IFIH1: variants seen among roughly 807,000 people sequenced by gnomAD.
IFIH1 encodes the protein interferon-induced helicase C domain-containing protein 1.
Under a neutral mutation model 107.4 loss-of-function variants are expected in IFIH1, and 125 were observed. That is an observed-to-expected ratio of 1.16 (90% CI 1.01 to 1.35). The LOEUF is 1.35. Ranked by LOEUF, IFIH1 falls within the 40% of genes most tolerant of loss-of-function variation. IFIH1 has a pLI of 0.00. For synonymous variants in IFIH1, 458 were observed against 413.2 expected (o/e 1.11, Z -1.31); for missense variants, 1,333 against 1,213.7 (o/e 1.10, Z -1.46).
intron 13 of IFIH1, among the ~76,000 whole-genome samples, chr2:162,269,665 A>G (rs1690995781): frequency 6.6e-6 from 1 of 152,222 alleles, no homozygotes; most frequent in Non-Finnish European, 1.5e-5. Context: ...ATATTAAATT[A>G]TGGAAGAATT....
intron 9 of IFIH1, 150 bp downstream of exon 9, chr2:162,278,055 C>G: frequency 3.1e-6 from 2 of 653,700 alleles, no homozygotes; most frequent in Middle Eastern, 4.2e-4. Context: ...GGAATTAGAA[C>G]ATGTTTATTA....
At chr2:162,302,015 G>A (rs12473955) in intron 3 of IFIH1, among the ~76,000 whole-genome samples, 5,240 of 152,226 alleles carry the variant, frequency 0.034, 442 homozygotes, top group Admixed American at 0.21. Flanking sequence ...GTAAACATAG[G>A]TGGGAGGAGG....
intron 3 of IFIH1, among the ~76,000 whole-genome samples, chr2:162,303,992 C>T (rs920656814): frequency 6.6e-6 from 1 of 152,088 alleles, no homozygotes; most frequent in Non-Finnish European, 1.5e-5. Context: ...TTTATTAAAA[C>T]ATGAAAACTC....
chr2:162,318,037 C>T lies in IFIH1; in HGVS notation c.271G>A (p.Ala91Thr), dbSNP rs1683542051. Residue 91 changes from alanine (A) to threonine (T), a missense_variant, in exon 1 of 16, where the codon GCC becomes ACC. Ala to Thr is a moderately conservative substitution (Grantham distance 58). Coordinates refer to ENST00000649979, the MANE Select transcript of IFIH1 (RefSeq NM_022168.4). Reference protein sequence around the residue: ...EALRRTGSPLAARYMNPELTD... With the variant: ...EALRRTGSPLTARYMNPELTD... Reference sequence around the variant, plus strand: ...AGCTCAGGGTTCATGTAGCGGGCGGCCAGAGGGCTGCCGGTTCTCCGGAGG... The same window carrying T: ...AGCTCAGGGTTCATGTAGCGGGCGGTCAGAGGGCTGCCGGTTCTCCGGAGG... 2 of 1,614,152 alleles carry T rather than the reference C, an allele frequency of 1.2e-6. No individual in the cohort carries two copies. The highest frequency in any genetic ancestry group is 2.2e-5 in the East Asian group (1 of 44,852).
intron 5 of IFIH1, among the ~76,000 whole-genome samples, chr2:162,287,110 T>C (rs1682908623): frequency 6.6e-6 from 1 of 151,880 alleles, no homozygotes; most frequent in Non-Finnish European, 1.5e-5. Context: ...GTTTTAATAG[T>C]AAGTATACAA....
chr2:162,301,120 A>T (rs1380242731), intron 3 of IFIH1, among the ~76,000 whole-genome samples: 1 of 152,212 alleles, frequency 6.6e-6, no homozygotes, highest in Non-Finnish European at 1.5e-5. Flanking sequence ...ATGTCACCGG[A>T]TAAACCTAAG....
At chr2:162,296,939 A>C (rs1377833643) in intron 3 of IFIH1, among the ~76,000 whole-genome samples, 1 of 152,158 alleles carries the variant, frequency 6.6e-6, no homozygotes, top group Non-Finnish European at 1.5e-5. Context: ...TTGTCATTTT[A>C]AGGGTATATA....
rs376770437 is a variant in IFIH1 at position 162,270,292 on chromosome 2, G to A, written c.2616+1934C>T. 8.5e-5 allele frequency among the ~76,000 whole-genome samples: 13 copies of A among 152,290 alleles called. 1 individual carries two copies. Among genetic ancestry groups the A allele is most frequent in the African/African-American group, 2.9e-4 (12 of 41,568 alleles). ...ATGATCAACTTGCTCCTAGAAGTCT[G>A]ATTTAATTTTAAGAAGCTCTGTTAT... On this transcript the variant is annotated intron_variant, in intron 13 of 15. Transcript: ENST00000649979.
chr2:162,293,699 A>C, intron 3 of IFIH1, 31 bp from the exon 4 acceptor site: 1 of 1,443,300 alleles, frequency 6.9e-7, no homozygotes, highest in African/African-American at 1.4e-5. Flanking sequence ...AAATATTTTT[A>C]AAATATTTCT....
intron 10 of IFIH1, among the ~76,000 whole-genome samples, 165 bp from the exon 11 acceptor site, chr2:162,277,111 G>T (rs993391182): frequency 6.6e-6 from 1 of 152,072 alleles, no homozygotes; most frequent in East Asian, 1.9e-4. Flanking sequence ...AACATACAAC[G>T]AATTACACTA....
intron 9 of IFIH1, 149 bp from the exon 10 acceptor site, chr2:162,277,842 C>T (rs2105198019): frequency 1.0e-6 from 1 of 987,268 alleles, no homozygotes; most frequent in Non-Finnish European, 1.4e-6. Context: ...GTGTCCTGAG[C>T]TCTGAAACAG....
rs745845956 is a variant in IFIH1, at chr2:162,293,614, C to T, written c.824G>A (p.Gly275Glu). 1.9e-6 allele frequency: 3 copies of T among 1,611,990 alleles called. No homozygotes were observed. Among genetic ancestry groups the T allele is most frequent in the Non-Finnish European group, 2.5e-6 (3 of 1,178,648 alleles). ...GSVSCLDESLGHNSNMGSDSG... is the reference protein window; with the variant it reads ...GSVSCLDESLEHNSNMGSDSG... ...ATCACTGCCCATGTTGCTGTTATGT[C>T]CAAGACTTTCATCTAAGCAGCTGAC... The change falls in exon 4 of 16, where the codon GGA (glycine) becomes GAA (glutamate). Residue 275 changes from glycine to glutamate, a missense_variant. Transcript: ENST00000649979.
At chr2:162,278,723 C>T (rs983246152) in intron 8 of IFIH1, among the ~76,000 whole-genome samples, 9 of 151,996 alleles carry the variant, frequency 5.9e-5, no homozygotes, top group African/African-American at 1.2e-4. Context: ...AGTATTATTT[C>T]GACCAAAATA....
intron 5 of IFIH1, among the ~76,000 whole-genome samples, chr2:162,284,588 G>A (rs1367294486): frequency 6.6e-6 from 1 of 151,892 alleles, no homozygotes; most frequent in African/African-American, 2.4e-5. Context: ...CATTTCTGCT[G>A]TTTCTTGGCT....
chr2:162,276,934 A>G lies in IFIH1; in HGVS notation c.2057T>C (p.Met686Thr). 6.3e-7 allele frequency: 1 copy of G among 1,597,956 alleles called. No homozygotes were observed. The highest frequency in any genetic ancestry group is 8.5e-7 in the Non-Finnish European group (1 of 1,174,824). The change falls in exon 11 of 16, where the codon ATG (methionine) becomes ACG (threonine). Residue 686 changes from methionine to threonine, a missense_variant. Met to Thr is a moderately conservative substitution (Grantham distance 81). Coordinates refer to ENST00000649979, the MANE Select transcript of IFIH1 (RefSeq NM_022168.4). ...LMTLFFENNK[M>T]LKRLAENPEY... ...TGGGTTTTCAGCCAGCCTTTTCAAC[A>G]TTTTATTGTTTTCTTTAAGAAATAA... is the stretch of plus-strand genomic sequence containing the variant.
At chr2:162,300,764 T>C (rs1683178990) in intron 3 of IFIH1, among the ~76,000 whole-genome samples, 1 of 152,228 alleles carries the variant, frequency 6.6e-6, no homozygotes, top group South Asian at 2.1e-4. Flanking sequence ...ACAGTCTTAT[T>C]GTAAACTACT....
chr2:162,269,671 G>T (rs977934117), intron 13 of IFIH1, among the ~76,000 whole-genome samples: 8 of 152,128 alleles, frequency 5.3e-5, no homozygotes, highest in African/African-American at 1.2e-4. Context: ...AATTATGGAA[G>T]AATTAATTGT....
intron 11 of IFIH1, 65 bp downstream of exon 11, chr2:162,276,619 GAGA>G (rs1558865467): frequency 2.0e-6 from 3 of 1,504,250 alleles, no homozygotes; most frequent in East Asian, 2.3e-5. Context: ...AAAAGAAGAA[GAGA>G]AGAAGAGAAG....
At position 162,318,065 on chromosome 2, in the gene IFIH1, C is replaced by CT; in HGVS notation, c.242dup (p.Ala82GlyfsTer17). The CT allele has an allele frequency of 2.5e-6, 4 of 1,614,180 alleles. No homozygotes were observed. The highest frequency in any genetic ancestry group is 3.4e-6 in the Non-Finnish European group (4 of 1,180,040). On this transcript the variant is annotated frameshift_variant, in exon 1 of 16. Transcript: ENST00000649979. LOFTEE classifies it high-confidence loss of function. ...GAGGGCTGCCGGTTCTCCGGAGGGC[C>CT]TCCACGAATTCCCGAGTCCAACCAA...
Sources: allele counts gnomAD v4.1 joint callset (sites outside exome capture counted in the v4.1 genomes callset), GRCh38; gene constraint gnomAD v4.1.1; transcripts MANE v1.5; gene names NCBI Gene and HGNC (gene_info 2026-07-23, HGNC 2026-07-21).